TRAPPC12: variants seen among roughly 807,000 people sequenced by gnomAD.
TRAPPC12 encodes the protein trafficking protein particle complex subunit 12, also known as TPR repeat protein 15.
TRAPPC12 carries 61 observed loss-of-function variants against 69.2 expected under a neutral mutation model. That is an observed-to-expected ratio of 0.88 (90% CI 0.72 to 1.09). The LOEUF (loss-of-function observed/expected upper bound fraction) is 1.09, where lower values mean the gene tolerates loss of function less well. TRAPPC12 is among the 50% of genes least tolerant of loss of function. The pLI, the probability that TRAPPC12 is intolerant of heterozygous loss-of-function variation, is 0.00. For missense variants in TRAPPC12, 1,101 were observed against 1,016.4 expected, an observed-to-expected ratio of 1.08 and a Z score of -1.13; for synonymous variants, 469 against 438.9, an observed-to-expected ratio of 1.07 and a Z score of -0.86.
intron 2 of TRAPPC12, chr2:3,389,577 G>T (rs1281092833): frequency 2.2e-6 from 1 of 444,634 alleles, no homozygotes; most frequent in Non-Finnish European, 4.7e-6. Flanking sequence ...TTTTCGACCC[G>T]CATCTGCTGC....
At chr2:3,385,564 G>C in intron 1 of TRAPPC12, among the ~76,000 whole-genome samples, 1 of 152,186 alleles carries the variant, frequency 6.6e-6, no homozygotes, top group Non-Finnish European at 1.5e-5. Flanking sequence ...GTTTAAAGCA[G>C]CTTCATCTTC....
chr2:3,400,459 A>G (rs930095835), intron 2 of TRAPPC12, among the ~76,000 whole-genome samples: 7 of 151,344 alleles, frequency 4.6e-5, no homozygotes, highest in Middle Eastern at 3.2e-3. Flanking sequence ...GGGCTGCTCT[A>G]TCCCCCCAGC....
chr2:3,460,864 C>T (rs1665454027), intron 8 of TRAPPC12: 1 of 153,820 alleles, frequency 6.5e-6, no homozygotes, highest in Admixed American at 6.4e-5. Flanking sequence ...TCTCGCCAGC[C>T]TGTGCAACGG....
rs769005424 is a variant in TRAPPC12, at chr2:3,424,630, G to A, written c.1384G>A (p.Glu462Lys). The A allele has an allele frequency of 5.0e-6, 8 of 1,613,604 alleles. No individual in the cohort carries two copies. Among genetic ancestry groups the A allele is most frequent in the Admixed American group, 1.7e-5 (1 of 59,864 alleles). ...GNLDQPDLYYEYYPHVYPGRR... is the reference protein window; with the variant it reads ...GNLDQPDLYYKYYPHVYPGRR... ...TCTTGATCAGCCAGATCTTTATTAC[G>A]AGTACTACCCGCACGTGTACCCTGG... Residue 462 changes from glutamate (E) to lysine (K), a missense_variant, in exon 5 of 12, where the codon GAG (glutamate) becomes AAG (lysine). Glu to Lys is a moderately conservative substitution (Grantham distance 56). Transcript: ENST00000324266.
intron 2 of TRAPPC12, among the ~76,000 whole-genome samples, chr2:3,400,138 G>A (rs115636338): frequency 0.018 from 2,773 of 152,318 alleles, 31 homozygotes; most frequent in Non-Finnish European, 0.03. Flanking sequence ...CCCAGAGCAC[G>A]TGTCAGGGAA....
chr2:3,474,572 A>T (rs1221285347), intron 9 of TRAPPC12, among the ~76,000 whole-genome samples: 1 of 152,180 alleles, frequency 6.6e-6, no homozygotes, highest in African/African-American at 2.4e-5. Context: ...TCTGCCACGG[A>T]AACACTGACC....
chr2:3,439,205 A>G (rs1664060210), intron 5 of TRAPPC12, among the ~76,000 whole-genome samples: 1 of 152,168 alleles, frequency 6.6e-6, no homozygotes, highest in Non-Finnish European at 1.5e-5. Context: ...TATGATGATG[A>G]GCATCTTTTT....
At position 3,478,961 on chromosome 2, in the gene TRAPPC12, C is replaced by A. The variant is rs1175082470; in HGVS notation, c.1965+28C>A. The A allele has an allele frequency of 2.5e-6, 4 of 1,603,452 alleles. No homozygotes were observed. In the Admixed American group the frequency reaches 6.7e-5, roughly 27 times the overall value. Reference sequence around the variant, plus strand: ...AAGATCCCCAAGCTGCAGGATCCTCCATCCTCTGCCTTTCACAGACGCTAG... The same window carrying A: ...AAGATCCCCAAGCTGCAGGATCCTCAATCCTCTGCCTTTCACAGACGCTAG... On this transcript the variant is annotated intron_variant, in intron 11 of 11. Coordinates refer to ENST00000324266, the MANE Select transcript of TRAPPC12 (RefSeq NM_016030.6).
intron 8 of TRAPPC12, among the ~76,000 whole-genome samples, chr2:3,462,286 A>G (rs1394948131): frequency 6.6e-6 from 1 of 152,218 alleles, no homozygotes; most frequent in Non-Finnish European, 1.5e-5. Flanking sequence ...AGTACAGAAC[A>G]TATTATTGCA....
chr2:3,421,800 G>A (rs1662803636), intron 3 of TRAPPC12, 81 bp from the exon 4 acceptor site: 4 of 1,268,426 alleles, frequency 3.2e-6, no homozygotes, highest in African/African-American at 2.9e-5. Flanking sequence ...AGCAGCTGTG[G>A]CCAGTGGCTA....
chr2:3,418,401 G>T (rs1285970955), intron 3 of TRAPPC12, among the ~76,000 whole-genome samples: 1 of 152,150 alleles, frequency 6.6e-6, no homozygotes, highest in Non-Finnish European at 1.5e-5. Context: ...GGTATCAGAC[G>T]CAAGCCACTC....
chr2:3,385,399 C>T (rs745389495), intron 1 of TRAPPC12, among the ~76,000 whole-genome samples: 11 of 152,044 alleles, frequency 7.2e-5, no homozygotes, highest in African/African-American at 1.2e-4. Context: ...TGGACATTCC[C>T]ATTTTATCAG....
At chr2:3,453,966 C>T (rs981301796) in intron 6 of TRAPPC12, among the ~76,000 whole-genome samples, 4 of 152,210 alleles carry the variant, frequency 2.6e-5, no homozygotes, top group African/African-American at 9.6e-5. Context: ...CTCATGGATG[C>T]TCTTCTGCAT....
At chr2:3,473,591 C>T (rs968733205) in intron 9 of TRAPPC12, among the ~76,000 whole-genome samples, 1 of 152,082 alleles carries the variant, frequency 6.6e-6, no homozygotes, top group African/African-American at 2.4e-5. Context: ...GCAATCCTCC[C>T]GCCTCAGCCT....
intron 2 of TRAPPC12, among the ~76,000 whole-genome samples, chr2:3,396,221 A>C (rs1014068848): frequency 6.6e-6 from 1 of 150,980 alleles, no homozygotes; most frequent in Admixed American, 6.6e-5. Flanking sequence ...TACAGTATGT[A>C]GAATTCTAGG....
At chr2:3,440,390 A>G (rs538246137) in intron 5 of TRAPPC12, among the ~76,000 whole-genome samples, 9 of 152,198 alleles carry the variant, frequency 5.9e-5, no homozygotes, top group African/African-American at 2.2e-4. Flanking sequence ...TTTTCTTCCT[A>G]TAGCTCTTGT....
chr2:3,392,921 A>G (rs971776305), intron 2 of TRAPPC12, among the ~76,000 whole-genome samples: 1 of 152,240 alleles, frequency 6.6e-6, no homozygotes, highest in Non-Finnish European at 1.5e-5. Context: ...CAGATAGGGA[A>G]TCAACCTAAG....
chr2:3,417,557 C>T (rs772541779), intron 3 of TRAPPC12, among the ~76,000 whole-genome samples: 2 of 152,192 alleles, frequency 1.3e-5, no homozygotes, highest in Non-Finnish European at 2.9e-5. Context: ...CTTGCCCTGG[C>T]TTCTGGGACC....
chr2:3,447,513 G>T (rs1029484539), intron 6 of TRAPPC12, among the ~76,000 whole-genome samples: 21 of 152,050 alleles, frequency 1.4e-4, no homozygotes, highest in African/African-American at 4.8e-4. Flanking sequence ...TTGACAATCA[G>T]ATCCCAAGGT....
Sources: allele counts gnomAD v4.1 joint callset (sites outside exome capture counted in the v4.1 genomes callset), GRCh38; gene constraint gnomAD v4.1.1; transcripts MANE v1.5; gene names NCBI Gene and HGNC (gene_info 2026-07-23, HGNC 2026-07-21).